GABRB1: variants seen among roughly 807,000 people sequenced by gnomAD.
GABRB1 encodes the protein gamma-aminobutyric acid type A receptor subunit beta1, also known as gamma-aminobutyric acid receptor subunit beta-1.
GABRB1 carries 17 observed loss-of-function variants against 51.6 expected under a neutral mutation model. That is an observed-to-expected ratio of 0.33 (90% CI 0.23 to 0.49). The LOEUF is 0.49. Ranked by LOEUF, GABRB1 falls within the 20% of genes least tolerant of loss-of-function variation. The pLI, the probability that GABRB1 is intolerant of heterozygous loss-of-function variation, is 0.99. For synonymous variants in GABRB1, 247 were observed against 218.9 expected (o/e 1.13, Z -1.14); for missense variants, 410 against 600.6 (o/e 0.68, Z 3.32).
intron 3 of GABRB1, among the ~76,000 whole-genome samples, chr4:47,035,234 G>A (rs1008549726): frequency 6.6e-6 from 1 of 151,916 alleles, no homozygotes; most frequent in Non-Finnish European, 1.5e-5. Context: ...CACATTGTCT[G>A]CTTTACAGAC....
At chr4:47,131,405 G>T (rs918448253) in intron 3 of GABRB1, among the ~76,000 whole-genome samples, 1 of 152,122 alleles carries the variant, frequency 6.6e-6, no homozygotes, top group African/African-American at 2.4e-5. Flanking sequence ...TGATCTGCCC[G>T]CCTCGGCCTC....
At chr4:46,998,926 G>C (rs1358940300) in intron 1 of GABRB1, among the ~76,000 whole-genome samples, 2 of 152,054 alleles carry the variant, frequency 1.3e-5, no homozygotes, top group Non-Finnish European at 2.9e-5. Context: ...AAAGAGCAGT[G>C]ATTGTGTGTG....
chr4:47,143,956 A>T (rs1717043946), intron 3 of GABRB1, among the ~76,000 whole-genome samples: 2 of 151,928 alleles, frequency 1.3e-5, no homozygotes, highest in Admixed American at 6.6e-5. Flanking sequence ...TCTCTACTCC[A>T]AAATATGTGC....
chr4:47,356,840 AT>A lies in GABRB1; in HGVS notation c.544+36633del, dbSNP rs35973065. ...AATCAGATTTTAAAAATATTATTTG[AT>A]TGATATTTTTGATGCCCCTGAAGGC... On this transcript the variant is annotated intron_variant, in intron 5 of 8. Transcript: ENST00000295454. Among the ~76,000 whole-genome samples, 341 of 152,226 alleles carry A rather than the reference AT, an allele frequency of 2.2e-3. 2 individuals carry two copies. The highest frequency in any genetic ancestry group is 4.2e-3 in the Non-Finnish European group (285 of 68,008).
intron 1 of GABRB1, among the ~76,000 whole-genome samples, chr4:47,024,933 C>CATATATATATATATATAATATATATATAT (rs1725040612): frequency 1.2e-5 from 1 of 86,202 alleles, no homozygotes; most frequent in African/African-American, 5.0e-5. Context: ...AGTATTCCAT[C>CATATATATATATATATAATATATATATAT]ATATATATAT....
intron 4 of GABRB1, among the ~76,000 whole-genome samples, chr4:47,234,716 A>C (rs1229839390): frequency 1.3e-5 from 2 of 152,054 alleles, no homozygotes; most frequent in East Asian, 1.9e-4. Context: ...TTCTCCCTTC[A>C]CTCTATCAAT....
intron 4 of GABRB1, among the ~76,000 whole-genome samples, chr4:47,190,073 C>G (rs1375080721): frequency 6.6e-6 from 1 of 151,966 alleles, no homozygotes; most frequent in Non-Finnish European, 1.5e-5. Context: ...AGGTTAAAAA[C>G]CAGAATAATT....
At chr4:47,420,654 C>T (rs1408243835) in intron 8 of GABRB1, among the ~76,000 whole-genome samples, 3 of 152,106 alleles carry the variant, frequency 2.0e-5, no homozygotes, top group African/African-American at 7.2e-5. Context: ...CTTCTTGCTC[C>T]CTCTGATGAT....
Position 47,064,023 on chromosome 4 carries a change from A to C in GABRB1, c.240+31539A>C, listed in dbSNP as rs193287998. Reference sequence around the variant, plus strand: ...TGTAACAAAACTGCGCATCCTGCACACATACCCATGTATCCCAGAACTTAA... The same window carrying C: ...TGTAACAAAACTGCGCATCCTGCACCCATACCCATGTATCCCAGAACTTAA... On this transcript the variant is annotated intron_variant, in intron 3 of 8. Coordinates refer to ENST00000295454, the MANE Select transcript of GABRB1 (RefSeq NM_000812.4). 8.5e-5 allele frequency among the ~76,000 whole-genome samples: 13 copies of C among 152,346 alleles called. No individual in the cohort carries two copies. In the East Asian group the frequency reaches 2.3e-3, roughly 27 times the overall value.
chr4:47,029,622 T>C (rs967042454), upstream of GABRB1, among the ~76,000 whole-genome samples: 1 of 152,048 alleles, frequency 6.6e-6, no homozygotes, highest in African/African-American at 2.4e-5. Context: ...ATCTTTCCTT[T>C]TATCACAGTC....
chr4:47,116,445 T>G (rs533571053), intron 3 of GABRB1, among the ~76,000 whole-genome samples: 2 of 152,320 alleles, frequency 1.3e-5, no homozygotes, highest in African/African-American at 4.8e-5. Context: ...TCTTTAGACA[T>G]GCAGAGAATA....
intron 4 of GABRB1, among the ~76,000 whole-genome samples, chr4:47,297,762 G>A (rs1724063372): frequency 6.6e-6 from 1 of 152,102 alleles, no homozygotes; most frequent in Non-Finnish European, 1.5e-5. Context: ...ATTTTATGAG[G>A]CCAGCATCAT....
At chr4:47,103,608 C>T (rs1714816737) in intron 3 of GABRB1, among the ~76,000 whole-genome samples, 1 of 151,794 alleles carries the variant, frequency 6.6e-6, no homozygotes, top group African/African-American at 2.4e-5. Flanking sequence ...AAGTTAGTTC[C>T]AGCGAAATTC....
intron 4 of GABRB1, among the ~76,000 whole-genome samples, chr4:47,317,621 TTAAA>T (rs1352952551): frequency 6.6e-6 from 1 of 151,968 alleles, no homozygotes; most frequent in Non-Finnish European, 1.5e-5. Context: ...GATGTAATGC[TTAAA>T]TAAATTCAAG....
chr4:47,352,702 A>G (rs1057382330), intron 5 of GABRB1, among the ~76,000 whole-genome samples: 1 of 152,206 alleles, frequency 6.6e-6, no homozygotes, highest in Admixed American at 6.6e-5. Flanking sequence ...GTACATTGTT[A>G]CATTCTAATT....
intron 5 of GABRB1, among the ~76,000 whole-genome samples, chr4:47,348,060 T>C (rs1726169945): frequency 6.6e-6 from 1 of 152,214 alleles, no homozygotes; most frequent in Non-Finnish European, 1.5e-5. Flanking sequence ...AAAGACCTAC[T>C]TCCTGGTCCC....
At position 47,296,173 on chromosome 4, in the gene GABRB1, A is replaced by G. The variant is rs1379977526; in HGVS notation, c.462-23954A>G. On this transcript the variant is annotated intron_variant, in intron 4 of 8. Coordinates refer to ENST00000295454, the MANE Select transcript of GABRB1 (RefSeq NM_000812.4). Reference sequence around the variant, plus strand: ...AAAATCATGCCAAATTGTAAAGACCATCGAGGCTAGGAAGAAACTGCATAA... The same window carrying G: ...AAAATCATGCCAAATTGTAAAGACCGTCGAGGCTAGGAAGAAACTGCATAA... Among the ~76,000 whole-genome samples the G allele has an allele frequency of 6.6e-5, 10 of 152,368 alleles. No homozygotes were observed. In the East Asian group the frequency reaches 1.9e-3, roughly 29 times the overall value.
chr4:47,350,790 G>A (rs1352883562), intron 5 of GABRB1, among the ~76,000 whole-genome samples: 2 of 151,994 alleles, frequency 1.3e-5, no homozygotes, highest in South Asian at 4.1e-4. Flanking sequence ...TGGATTTATG[G>A]TCATCTCATA....
chr4:47,185,546 C>T (rs1244194434), intron 4 of GABRB1, among the ~76,000 whole-genome samples: 10 of 151,708 alleles, frequency 6.6e-5, no homozygotes, highest in Non-Finnish European at 1.3e-4. Flanking sequence ...CCATCCACTG[C>T]TCACCCACCT....
Sources: allele counts gnomAD v4.1 joint callset (sites outside exome capture counted in the v4.1 genomes callset), GRCh38; gene constraint gnomAD v4.1.1; transcripts MANE v1.5; gene names NCBI Gene and HGNC (gene_info 2026-07-23, HGNC 2026-07-21).